Variants in ZFPM1 observed in about 807,000 individuals in gnomAD.
The protein encoded by ZFPM1 is zinc finger protein ZFPM1.
In ZFPM1, 28 loss-of-function variants were observed where a neutral mutation model predicts 46.3. That is an observed-to-expected ratio of 0.60 (90% confidence interval 0.45 to 0.83). The LOEUF is 0.83. ZFPM1 is among the 40% of genes least tolerant of loss of function. The probability of loss-of-function intolerance (pLI) is 0.00; values close to 1 mark genes in which losing one functional copy is unlikely to be tolerated. For synonymous variants in ZFPM1, 957 were observed against 675.9 expected, an observed-to-expected ratio of 1.42 and a Z score of -6.45; for missense variants, 1,878 against 1,432.4, an observed-to-expected ratio of 1.31 and a Z score of -5.02.
chr16:88,488,469 G>C (rs1300405354), intron 2 of ZFPM1, among the ~76,000 whole-genome samples: 1 of 152,230 alleles, frequency 6.6e-6, no homozygotes, highest in African/African-American at 2.4e-5. Context: ...CAGCCACTTT[G>C]ATTTATAGCC....
intron 1 of ZFPM1, among the ~76,000 whole-genome samples, chr16:88,466,667 T>A (rs1908148431): frequency 6.6e-6 from 1 of 152,196 alleles, no homozygotes; most frequent in African/African-American, 2.4e-5. Flanking sequence ...GAAAATAAGC[T>A]CCTTTGGTGA....
intron 2 of ZFPM1, among the ~76,000 whole-genome samples, chr16:88,488,808 T>G (rs79043930): frequency 0.048 from 7,359 of 152,238 alleles, 200 homozygotes; most frequent in South Asian, 0.068. Context: ...GAATAACAAT[T>G]ATCTTTGAAG....
rs952865190 is a variant in ZFPM1 at position 88,534,219 on chromosome 16, C to G, written c.2261C>G (p.Ala754Gly). ...CTCTACGAGCTGCACGCGGCCGGCG[C>G]CCCGCCCCCCCCGCCGCCCGGCCAC... is the stretch of plus-strand genomic sequence containing the variant. The part of the protein sequence containing the change: ...RKLYELHAAG[A>G]PPPPPPGHAP... Residue 754 changes from alanine to glycine, a missense_variant, in exon 10 of 10, where the codon GCC (alanine) becomes GGC (glycine). Physicochemically the swap from Ala to Gly is moderately conservative, Grantham distance 60. Transcript: ENST00000319555. 2.0e-4 allele frequency: 200 copies of G among 981,312 alleles called. No individual in the cohort carries two copies. The East Asian group carries it at 2.8e-3, about 14-fold the overall frequency. The allele number at this position is 981,312 out of a possible 1,614,324, so 60.8% of individuals were successfully genotyped here. A position where few individuals can be genotyped will look rare whatever the true frequency, so the allele number is the denominator to read the frequency against.
rs570080824 is a variant in ZFPM1 at position 88,482,461 on chromosome 16, C to T, written c.41-3478C>T. 5.9e-5 allele frequency among the ~76,000 whole-genome samples: 9 copies of T among 152,248 alleles called. No homozygotes were observed. The East Asian group carries it at 1.7e-3, about 30-fold the overall frequency. Reference sequence around the variant, plus strand: ...CTGAAATTAGCCTGGCAGCCTCTTTCTCCACGCTCATCACCACGGCTTTGT... The same window carrying T: ...CTGAAATTAGCCTGGCAGCCTCTTTTTCCACGCTCATCACCACGGCTTTGT... On this transcript the variant is annotated intron_variant, in intron 1 of 9. Transcript: ENST00000319555.
At chr16:88,527,582 G>A (rs865997209) in intron 5 of ZFPM1, among the ~76,000 whole-genome samples, 1 of 152,082 alleles carries the variant, frequency 6.6e-6, no homozygotes, top group Non-Finnish European at 1.5e-5. Flanking sequence ...GGCGCCCCAG[G>A]TGAACAAGCC....
chr16:88,454,077 CT>C (rs1274012754), intron 1 of ZFPM1, among the ~76,000 whole-genome samples: 1 of 152,242 alleles, frequency 6.6e-6, no homozygotes, highest in Admixed American at 6.5e-5. Flanking sequence ...TAAGATCGTT[CT>C]GTCGGGACGG....
Position 88,536,121 on chromosome 16 carries a change from A to C in ZFPM1, c.*1142A>C, listed in dbSNP as rs1042656631. ...CAGGTGTACACCACCATGCCCAGCTAGTTTTTGTGTTTTTTGTAGAAATGG... is the reference window on the plus strand; with the variant it reads ...CAGGTGTACACCACCATGCCCAGCTCGTTTTTGTGTTTTTTGTAGAAATGG... On this transcript the variant is annotated 3_prime_UTR_variant, in exon 10 of 10. Coordinates refer to ENST00000319555, the MANE Select transcript of ZFPM1 (RefSeq NM_153813.3). 3.9e-5 allele frequency: 6 copies of C among 151,972 alleles called. No homozygotes were observed. Among genetic ancestry groups the C allele is most frequent in the South Asian group, 2.1e-4 (1 of 4,810 alleles). The allele number at this position is 151,972 out of a possible 1,614,324, so 9.4% of individuals were successfully genotyped here.
At chr16:88,509,066 C>T (rs1394411521) in intron 3 of ZFPM1, among the ~76,000 whole-genome samples, 2 of 152,160 alleles carry the variant, frequency 1.3e-5, no homozygotes, top group Admixed American at 6.5e-5. Context: ...CCTCTGGCCT[C>T]GGTTTCTGTG....
rs762934163 is a variant in ZFPM1, at chr16:88,533,645, G to C, written c.1687G>C (p.Gly563Arg). 1 of 1,461,348 alleles carries C rather than the reference G, an allele frequency of 6.8e-7. No homozygotes were observed. The highest frequency in any genetic ancestry group is 2.9e-5 in the East Asian group (1 of 33,966). 90.5% of individuals were successfully genotyped at this position (1,461,348 alleles called of 1,614,324 possible). ...GCAGCAGGGCGCGGGCGCGGGCGCC[G>C]GCGGCGCGCAGACCGGGCTCTTCCC... ...RLQQGAGAGA[G>R]GAQTGLFPGA... Residue 563 changes from glycine to arginine, a missense_variant, in exon 10 of 10, where the codon GGC (glycine) becomes CGC (arginine). Gly to Arg is a moderately radical substitution (Grantham distance 125). Transcript: ENST00000319555.
intron 1 of ZFPM1, among the ~76,000 whole-genome samples, chr16:88,454,852 G>A: frequency 6.6e-6 from 1 of 152,244 alleles, no homozygotes; most frequent in Middle Eastern, 3.4e-3. Flanking sequence ...AGCCGTAGGC[G>A]CCCGGGCACT....
chr16:88,502,280 G>T (rs920280634), intron 3 of ZFPM1, among the ~76,000 whole-genome samples: 2 of 152,062 alleles, frequency 1.3e-5, no homozygotes, highest in African/African-American at 4.8e-5. Context: ...GGCCTGAGAT[G>T]CGGCAAGATG....
rs759477494 is a variant in ZFPM1, at chr16:88,534,537, C to T, written c.2579C>T (p.Pro860Leu). The part of the protein sequence containing the change: ...GLPAAACPYC[P>L]PNGPVRGDLL... ...CCCGCCGCCGCCTGCCCCTACTGCCCCCCGAACGGCCCGGTGCGCGGGGAC... is the reference window on the plus strand; with the variant it reads ...CCCGCCGCCGCCTGCCCCTACTGCCTCCCGAACGGCCCGGTGCGCGGGGAC... Residue 860 changes from proline to leucine, a missense_variant, in exon 10 of 10, where the codon CCC (proline) becomes CTC (leucine). Coordinates refer to ENST00000319555, the MANE Select transcript of ZFPM1 (RefSeq NM_153813.3). The T allele has an allele frequency of 7.2e-6, 10 of 1,385,238 alleles. No individual in the cohort carries two copies. The South Asian group carries it at 1.5e-4, about 21-fold the overall frequency. The allele number at this position is 1,385,238 out of a possible 1,614,324, so 85.8% of individuals were successfully genotyped here. A position where few individuals can be genotyped will look rare whatever the true frequency, so the allele number is the denominator to read the frequency against.
At chr16:88,454,701 C>T (rs576342852) in intron 1 of ZFPM1, among the ~76,000 whole-genome samples, 31 of 152,270 alleles carry the variant, frequency 2.0e-4, no homozygotes, top group Admixed American at 7.8e-4. Flanking sequence ...CTACCCTCCC[C>T]ACCCTATGCC....
At chr16:88,485,626 G>C (rs949887544) in intron 1 of ZFPM1, among the ~76,000 whole-genome samples, 1 of 151,902 alleles carries the variant, frequency 6.6e-6, no homozygotes, top group Admixed American at 6.6e-5. Context: ...TTTTTATAGA[G>C]ACAGGGTCTT....
In ZFPM1 at chr16:88,476,991, A is replaced by T. The variant is rs12931017; in HGVS notation, c.41-8948A>T. 6.8e-3 allele frequency among the ~76,000 whole-genome samples: 1,033 copies of T among 152,372 alleles called. 6 individuals are homozygous for T. The highest frequency in any genetic ancestry group is 9.9e-3 in the Non-Finnish European group (673 of 68,040). On this transcript the variant is annotated intron_variant, in intron 1 of 9. Coordinates refer to ENST00000319555, the MANE Select transcript of ZFPM1 (RefSeq NM_153813.3). Reference sequence around the variant, plus strand: ...TGATAGCGATGGAGAGAAGATTTGGACGTGCGCACGCCCGTGCGCCGGGTC... The same window carrying T: ...TGATAGCGATGGAGAGAAGATTTGGTCGTGCGCACGCCCGTGCGCCGGGTC...
chr16:88,516,687 CCT>C (rs1911320682), intron 4 of ZFPM1: 3 of 398,240 alleles, frequency 7.5e-6, no homozygotes, highest in South Asian at 1.3e-4. Context: ...TCAGCGGGCC[CCT>C]GTCGCTCTTG....
At chr16:88,468,126 GCACCCGCGAGCCCACTGCCCCTGACC>G (rs1256574470) in intron 1 of ZFPM1, among the ~76,000 whole-genome samples, 7 of 99,256 alleles carry the variant, frequency 7.1e-5, no homozygotes, top group Admixed American at 5.3e-4. Flanking sequence ...CGCCCCTCAC[GCACCCGCGAGCCCACTGCCCCTGACC>G]CACCCGCGAG....
At chr16:88,462,603 A>G (rs112921077) in intron 1 of ZFPM1, among the ~76,000 whole-genome samples, 3,085 of 152,186 alleles carry the variant, frequency 0.02, 105 homozygotes, top group African/African-American at 0.071. Flanking sequence ...TGAGAAGGAG[A>G]GGGCAGCCAC....
chr16:88,487,494 G>T (rs1351719922), intron 2 of ZFPM1, among the ~76,000 whole-genome samples: 1 of 152,228 alleles, frequency 6.6e-6, no homozygotes, highest in East Asian at 1.9e-4. Context: ...AGAATGCCAG[G>T]AGGCAGTGAC....
Sources: allele counts gnomAD v4.1 joint callset (sites outside exome capture counted in the v4.1 genomes callset), GRCh38; gene constraint gnomAD v4.1.1; transcripts MANE v1.5; gene names NCBI Gene and HGNC (gene_info 2026-07-23, HGNC 2026-07-21).